Variants in GPM6A observed in about 807,000 individuals in gnomAD.
GPM6A encodes neuronal membrane glycoprotein M6-a.
A neutral mutation model predicts 32.1 loss-of-function variants in GPM6A; 7 were observed. The observed-to-expected ratio is 0.22, with a 90% CI of 0.12 to 0.41. The LOEUF (loss-of-function observed/expected upper bound fraction) is 0.41. Ranked by LOEUF, GPM6A falls within the 10% of genes least tolerant of loss-of-function variation. The pLI, the probability that GPM6A is intolerant of heterozygous loss-of-function variation, is 1.00. For missense variants in GPM6A, 235 were observed against 347.2 expected (o/e 0.68, Z 2.57); for synonymous variants, 130 against 123.4 (o/e 1.05, Z -0.35).
At chr4:175,914,029 A>T (rs753844356) in intron 1 of GPM6A, among the ~76,000 whole-genome samples, 20 of 152,176 alleles carry the variant, frequency 1.3e-4, no homozygotes, top group Non-Finnish European at 2.4e-4. Context: ...CCTGCCTAGG[A>T]AAAAGCCACA....
intron 3 of GPM6A, among the ~76,000 whole-genome samples, chr4:175,672,131 T>C (rs1292464510): frequency 6.6e-6 from 1 of 152,240 alleles, no homozygotes; most frequent in Non-Finnish European, 1.5e-5. Flanking sequence ...CCTTGATTGC[T>C]TTGTCTTTTT....
chr4:175,879,276 C>T (rs1737189396), intron 1 of GPM6A, among the ~76,000 whole-genome samples: 1 of 152,198 alleles, frequency 6.6e-6, no homozygotes, highest in Admixed American at 6.5e-5. Flanking sequence ...TCCAAAGTTG[C>T]TTCCACATTT....
chr4:175,738,656 A>C (rs1233112341), intron 1 of GPM6A, among the ~76,000 whole-genome samples: 1 of 152,162 alleles, frequency 6.6e-6, no homozygotes, highest in East Asian at 1.9e-4. Context: ...GGATGAAAAA[A>C]AATTTTTATA....
chr4:175,839,225 A>G lies in GPM6A; in HGVS notation c.-22-26976T>C, dbSNP rs374517371. Among the ~76,000 whole-genome samples, 4 of 152,348 alleles carry G rather than the reference A, an allele frequency of 2.6e-5. No homozygotes were observed. In the East Asian group the frequency reaches 7.7e-4, roughly 29 times the overall value. Reference sequence around the variant, plus strand: ...AATTATACACTAGAATAAACTCCTGATGAACCAGAAGAAAACAAATAAATA... The same window carrying G: ...AATTATACACTAGAATAAACTCCTGGTGAACCAGAAGAAAACAAATAAATA... On this transcript the variant is annotated intron_variant, in intron 1 of 7. Transcript: ENST00000280187.
intron 1 of GPM6A, among the ~76,000 whole-genome samples, chr4:175,799,876 T>C (rs1734404322): frequency 1.3e-5 from 2 of 151,954 alleles, no homozygotes; most frequent in East Asian, 1.9e-4. Flanking sequence ...GGGTTTCACC[T>C]TGTTAGCCGC....
At chr4:175,764,846 C>CATTATTATT (rs56700410) in intron 1 of GPM6A, among the ~76,000 whole-genome samples, 1,538 of 140,502 alleles carry the variant, frequency 0.011, 18 homozygotes, top group South Asian at 0.017. Context: ...AACCCAAAGG[C>CATTATTATT]ATTATTATTA....
At chr4:175,760,445 C>A (rs906171909) in intron 1 of GPM6A, among the ~76,000 whole-genome samples, 2 of 151,994 alleles carry the variant, frequency 1.3e-5, no homozygotes, top group Non-Finnish European at 2.9e-5. Flanking sequence ...ACACAACAAC[C>A]TTGGGGGACT....
intron 1 of GPM6A, among the ~76,000 whole-genome samples, chr4:175,778,816 TAAC>T (rs1031580673): frequency 1.3e-5 from 2 of 150,144 alleles, no homozygotes; most frequent in South Asian, 4.2e-4. Flanking sequence ...ATATATAAAA[TAAC>T]ATTATTATAT....
At chr4:175,654,027 G>A (rs1040634938) in intron 3 of GPM6A, among the ~76,000 whole-genome samples, 1 of 152,036 alleles carries the variant, frequency 6.6e-6, no homozygotes, top group African/African-American at 2.4e-5. Flanking sequence ...AGGCACCCAG[G>A]CTAAGTGACA....
intron 1 of GPM6A, among the ~76,000 whole-genome samples, chr4:175,713,666 C>G (rs1745676043): frequency 6.6e-6 from 1 of 152,122 alleles, no homozygotes; most frequent in Admixed American, 6.6e-5. Context: ...ACTCAAATGA[C>G]AGGTGTTTAT....
chr4:175,878,716 A>G (rs567087576), intron 1 of GPM6A, among the ~76,000 whole-genome samples: 1 of 151,748 alleles, frequency 6.6e-6, no homozygotes, highest in South Asian at 2.1e-4. Flanking sequence ...CATTTTCCCC[A>G]TGGTCTGGGT....
chr4:175,756,919 T>C (rs992556122), intron 1 of GPM6A, among the ~76,000 whole-genome samples: 10 of 151,994 alleles, frequency 6.6e-5, no homozygotes, highest in Non-Finnish European at 1.5e-4. Flanking sequence ...TTAGTTATCT[T>C]ATGAAGAAAG....
At chr4:175,815,186 T>A (rs1735059653), upstream of GPM6A, among the ~76,000 whole-genome samples, 1 of 152,126 alleles carries the variant, frequency 6.6e-6, no homozygotes, top group African/African-American at 2.4e-5. Context: ...AGTTTTTGTA[T>A]TTTTAGTGGA....
chr4:175,970,463 G>C (rs1740467410), intron 1 of GPM6A, among the ~76,000 whole-genome samples: 1 of 152,176 alleles, frequency 6.6e-6, no homozygotes, highest in East Asian at 1.9e-4. Flanking sequence ...CGTTTGGTTT[G>C]TTCGTGTGTG....
chr4:175,725,987 TTTC>T (rs1425253770), intron 1 of GPM6A, among the ~76,000 whole-genome samples: 19 of 99,154 alleles, frequency 1.9e-4, no homozygotes, highest in African/African-American at 7.3e-4. Flanking sequence ...AAATACCCTG[TTTC>T]TTCTTTTTTT....
In GPM6A at chr4:175,634,743, T is replaced by G. The variant is rs1420655191; in HGVS notation, c.*162A>C. The G allele has an allele frequency of 3.8e-6, 2 of 524,038 alleles. No individual in the cohort carries two copies. 32.5% of individuals were successfully genotyped at this position (524,038 alleles called of 1,614,324 possible). A position where few individuals can be genotyped will look rare whatever the true frequency, so the allele number is the denominator to read the frequency against. On this transcript the variant is annotated 3_prime_UTR_variant, in exon 7 of 7. Coordinates refer to ENST00000393658, the MANE Select transcript of GPM6A (RefSeq NM_201591.3). ...CATCAATTTAATAAATTGGGAAATTTAAGTGCTAAACAACAAAGAATTGTA... is the reference window on the plus strand; with the variant it reads ...CATCAATTTAATAAATTGGGAAATTGAAGTGCTAAACAACAAAGAATTGTA...
intron 1 of GPM6A, among the ~76,000 whole-genome samples, chr4:176,000,680 A>T (rs1741449291): frequency 6.6e-6 from 1 of 152,150 alleles, no homozygotes; most frequent in South Asian, 2.1e-4. Context: ...TTGACTTTCC[A>T]TTTCTGACAG....
intron 1 of GPM6A, among the ~76,000 whole-genome samples, chr4:175,877,095 G>A (rs1287766946): frequency 6.6e-6 from 1 of 152,180 alleles, no homozygotes; most frequent in Non-Finnish European, 1.5e-5. Context: ...GGAAATGAAA[G>A]TCAGAGGATG....
chr4:175,924,106 T>C (rs1738756139), intron 1 of GPM6A, among the ~76,000 whole-genome samples: 1 of 152,162 alleles, frequency 6.6e-6, no homozygotes, highest in Non-Finnish European at 1.5e-5. Context: ...TACTTCCTGC[T>C]TCCTGTTTCT....
Sources: gnomAD v4.1 joint callset for allele counts (sites outside exome capture counted in the v4.1 genomes callset) on GRCh38, gnomAD v4.1.1 for gene constraint, MANE v1.5 for transcripts, NCBI Gene and HGNC (gene_info 2026-07-23, HGNC 2026-07-21) for gene names.